The following TSC1 variants were observed in gnomAD, a reference collection of about 807,000 sequenced individuals.
TSC1 encodes the protein TSC complex subunit 1, also known as hamartin.
Under a neutral mutation model 124.3 loss-of-function variants are expected in TSC1, and 20 were observed. The ratio of observed to expected loss-of-function variants is 0.16; its 90% confidence interval spans 0.11 to 0.23. The LOEUF (loss-of-function observed/expected upper bound fraction) is 0.23. Ranked by LOEUF, TSC1 falls within the 10% of genes least tolerant of loss-of-function variation. The pLI is 1.00. For missense variants in TSC1, 1,124 were observed against 1,448.5 expected (o/e 0.78, Z 3.64); for synonymous variants, 493 against 539.1 (o/e 0.91, Z 1.19).
rs753980869 is a variant in TSC1, at chr9:132,897,449, A to G, written c.2787T>C (p.Tyr929=). 1.9e-6 allele frequency: 3 copies of G among 1,614,196 alleles called. No individual in the cohort carries two copies. Among genetic ancestry groups the G allele is most frequent in the African/African-American group, 1.3e-5 (1 of 75,044 alleles). ...TTGCCTGGAGTTTGACATCCTCTAG[A>G]TATTTCTTCTGTTCCAAAAGAAGGT... ...KDHLLLEQKK[Y]LEDVKLQARG... The change falls in exon 21 of 23, where the codon TAT becomes TAC. Residue 929 remains tyrosine (Y), a synonymous_variant. Coordinates refer to ENST00000298552, the MANE Select transcript of TSC1 (RefSeq NM_000368.5).
At position 132,894,428 on chromosome 9, in the gene TSC1, T is replaced by C. The variant is rs1365560646; in HGVS notation, c.*1807A>G. The C allele has an allele frequency of 1.7e-5, 4 of 229,066 alleles. No homozygotes were observed. The highest frequency in any genetic ancestry group is 6.7e-5 in the African/African-American group (3 of 45,106). 14.2% of individuals were successfully genotyped at this position (229,066 alleles called of 1,614,324 possible). A position where few individuals can be genotyped will look rare whatever the true frequency, so the allele number is the denominator to read the frequency against. On this transcript the variant is annotated 3_prime_UTR_variant, in exon 23 of 23. Transcript: ENST00000298552. ...CTTTTCTAAAACGGAACCAGGAAACTAGACTGTATTGGGTTTTAAGCTTTC... is the reference window on the plus strand; with the variant it reads ...CTTTTCTAAAACGGAACCAGGAAACCAGACTGTATTGGGTTTTAAGCTTTC...
intron 3 of TSC1, among the ~76,000 whole-genome samples, chr9:132,927,719 G>A (rs951122387): frequency 6.6e-6 from 1 of 151,742 alleles, no homozygotes; most frequent in African/African-American, 2.4e-5. Context: ...TAGAGATGGG[G>A]TTTCACCACA....
intron 11 of TSC1, 91 bp downstream of exon 11, chr9:132,910,911 C>G (rs1434985446): frequency 3.7e-6 from 5 of 1,354,806 alleles, no homozygotes; most frequent in African/African-American, 2.9e-5. Flanking sequence ...TTTACAACAG[C>G]AAGTGGTCCC....
At chr9:132,910,797 G>A (rs1463620924) in intron 11 of TSC1, 105 bp from the exon 12 acceptor site, 2 of 1,545,314 alleles carry the variant, frequency 1.3e-6, no homozygotes, top group East Asian at 4.5e-5. Context: ...AGCTGCTAGA[G>A]TTAACTTTCT....
upstream of TSC1, chr9:132,944,945 G>A (rs1006127570): frequency 4.3e-6 from 1 of 232,126 alleles, no homozygotes; most frequent in Non-Finnish European, 8.3e-6. Flanking sequence ...GGCGGGGCGG[G>A]CGGTCACGTG....
rs1368545564 is a variant in TSC1 at position 132,923,848 on chromosome 9, A to G, written c.364-356T>C. Among the ~76,000 whole-genome samples the G allele has an allele frequency of 6.6e-6, 1 of 152,162 alleles. No homozygotes were observed. Among genetic ancestry groups the G allele is most frequent in the African/African-American group, 2.4e-5 (1 of 41,428 alleles). ...ACAAAAGGAGCTGCTTTTCAACAAA[A>G]CACAGGAGCACTGCTCTGTTTCATT... is the stretch of plus-strand genomic sequence containing the variant. On this transcript the variant is annotated intron_variant, in intron 5 of 22. Transcript: ENST00000298552. The surrounding 1 kb of genome is among the most constrained non-coding windows in gnomAD (Gnocchi z 4.2).
At position 132,925,638 on chromosome 9, in the gene TSC1, C is replaced by A. The variant is rs1554820281; in HGVS notation, c.312G>T (p.Lys104Asn). Residue 104 changes from lysine to asparagine, a missense_variant, in exon 5 of 23, where the codon AAG becomes AAT. Lys to Asn is a moderately conservative substitution (Grantham distance 94, BLOSUM62 0). Transcript: ENST00000298552. ...GHVIRLQPSW[K>N]HKLSQAPLLP... ...AAAGAGGTGCTTGAGAGAGCTTATG[C>A]TTCCAAGATGGCTGCAGTCTTATGA... 1 of 1,614,092 alleles carries A rather than the reference C, an allele frequency of 6.2e-7. No homozygotes were observed. Among genetic ancestry groups the A allele is most frequent in the African/African-American group, 1.3e-5 (1 of 74,938 alleles).
intron 8 of TSC1, among the ~76,000 whole-genome samples, chr9:132,917,626 C>T (rs1440652531): frequency 1.3e-5 from 2 of 152,268 alleles, no homozygotes; most frequent in African/African-American, 4.8e-5. Context: ...GCCACTGCAC[C>T]CGGCTCTTCT....
intron 2 of TSC1, among the ~76,000 whole-genome samples, chr9:132,932,341 C>T (rs1847246731): frequency 6.6e-6 from 1 of 152,194 alleles, no homozygotes; most frequent in Admixed American, 6.5e-5. Flanking sequence ...TCTTTCACCA[C>T]CCCCACCACC....
chr9:132,933,513 G>T (rs555807519), intron 2 of TSC1, among the ~76,000 whole-genome samples: 1 of 152,126 alleles, frequency 6.6e-6, no homozygotes, highest in African/African-American at 2.4e-5. Context: ...GAAGAGTAAG[G>T]ATCTTTGAGG....
At position 132,895,296 on chromosome 9, in the gene TSC1, T is replaced by C; in HGVS notation, c.*939A>G. On this transcript the variant is annotated 3_prime_UTR_variant, in exon 23 of 23. Transcript: ENST00000298552. Reference sequence around the variant, plus strand: ...TAAGCTGACATGAACAAGAGGCGTATGCACACAAAGGGAGGCCAGTAGACA... The same window carrying C: ...TAAGCTGACATGAACAAGAGGCGTACGCACACAAAGGGAGGCCAGTAGACA... 1 of 233,464 alleles carries C rather than the reference T, an allele frequency of 4.3e-6. No homozygotes were observed. Among genetic ancestry groups the C allele is most frequent in the Non-Finnish European group, 8.5e-6 (1 of 117,958 alleles). 14.5% of individuals were successfully genotyped at this position (233,464 alleles called of 1,614,324 possible).
In TSC1 at chr9:132,921,108, T is replaced by C. The variant is rs1342595406; in HGVS notation, c.737+255A>G. On this transcript the variant is annotated intron_variant, in intron 8 of 22. Coordinates refer to ENST00000298552, the MANE Select transcript of TSC1 (RefSeq NM_000368.5). The surrounding 1 kb of genome is among the most constrained non-coding windows in gnomAD (Gnocchi z 4.3). ...TGCATCGCCCCATCACTGGCACTAC[T>C]GAGGTGTAAGCCTTTCTGGGGGACA... Among the ~76,000 whole-genome samples, 1 of 152,116 alleles carries C rather than the reference T, an allele frequency of 6.6e-6. No individual in the cohort carries two copies. Among genetic ancestry groups the C allele is most frequent in the Non-Finnish European group, 1.5e-5 (1 of 68,006 alleles).
intron 9 of TSC1, 144 bp downstream of exon 9, chr9:132,912,138 A>G (rs1247232889): frequency 3.3e-6 from 3 of 913,528 alleles, no homozygotes; most frequent in Non-Finnish European, 5.0e-6. Flanking sequence ...AAGAAAATGG[A>G]GGGACATGCA....
rs966107345 is a variant in TSC1, at chr9:132,901,898, A to G, written c.2392-199T>C. 3.0e-5 allele frequency: 17 copies of G among 574,104 alleles called. No individual in the cohort carries two copies. The Admixed American group carries it at 4.1e-4, about 14-fold the overall frequency. The allele number at this position is 574,104 out of a possible 1,614,324, so 35.6% of individuals were successfully genotyped here. A position where few individuals can be genotyped will look rare whatever the true frequency, so the allele number is the denominator to read the frequency against. ...GAGTTCCTTACTGTTTAACAAAAGA[A>G]AAAAAGAGACCTTAGATCCTCAGTT... On this transcript the variant is annotated intron_variant, in intron 18 of 22. Transcript: ENST00000298552.
rs1588287426 is a variant in TSC1 at position 132,896,598 on chromosome 9, C to T, written c.3132G>A (p.Glu1044=). 6.2e-7 allele frequency: 1 copy of T among 1,613,754 alleles called. No individual in the cohort carries two copies. The highest frequency in any genetic ancestry group is 8.5e-7 in the Non-Finnish European group (1 of 1,179,782). ...GGGGSSSSSS[E]LSTPEKPPHQ... ...GTGGGGGTTTCTCTGGGGTAGAAAG[C>T]TCGCTGCTGCTGCTGCTGCTGCCTC... Residue 1044 remains glutamate (E), a synonymous_variant, in exon 23 of 23, where the codon GAG becomes GAA. Transcript: ENST00000298552. This position sits in a 1 kb window ranked among gnomAD's most constrained non-coding sequence, Gnocchi z 4.5.
rs1844948916 is a variant in TSC1 at position 132,894,801 on chromosome 9, T to C, written c.*1434A>G. On this transcript the variant is annotated 3_prime_UTR_variant, in exon 23 of 23. Transcript: ENST00000298552. ...TTTTACCTCTTTATGACTGAATCCT[T>C]CTATTCTTTTTAATGAAAGATAGAA... is the stretch of plus-strand genomic sequence containing the variant. 4.3e-6 allele frequency: 1 copy of C among 230,706 alleles called. No individual in the cohort carries two copies. The highest frequency in any genetic ancestry group is 8.6e-6 in the Non-Finnish European group (1 of 116,582). 14.3% of individuals were successfully genotyped at this position (230,706 alleles called of 1,614,324 possible). A position where few individuals can be genotyped will look rare whatever the true frequency, so the allele number is the denominator to read the frequency against.
In TSC1 at chr9:132,893,331, C is replaced by A. The variant is rs559978998; in HGVS notation, c.*2904G>T. On this transcript the variant is annotated 3_prime_UTR_variant, in exon 23 of 23. Coordinates refer to ENST00000298552, the MANE Select transcript of TSC1 (RefSeq NM_000368.5). The stretch of plus-strand genomic sequence containing the variant: ...TAAGAAATGACCTTGACCTTCCTAC[C>A]TTTGGGTTTGTTTTTTTTCTATTCA... 1.6e-3 allele frequency: 384 copies of A among 233,148 alleles called. No homozygotes were observed. Among genetic ancestry groups the A allele is most frequent in the Non-Finnish European group, 2.8e-3 (332 of 117,998 alleles). The allele number at this position is 233,148 out of a possible 1,614,324, so 14.4% of individuals were successfully genotyped here.
At chr9:132,908,901 CTTTT>C (rs35234317) in intron 12 of TSC1, among the ~76,000 whole-genome samples, 4 of 121,540 alleles carry the variant, frequency 3.3e-5, no homozygotes, top group Admixed American at 7.9e-5. Flanking sequence ...CTACCTTGCA[CTTTT>C]TTTTTTTTTT....
chr9:132,901,788 G>T (rs1845387448), intron 18 of TSC1, 89 bp from the exon 19 acceptor site: 1 of 1,148,054 alleles, frequency 8.7e-7, no homozygotes, highest in Non-Finnish European at 1.3e-6. Context: ...AGAGGACTGG[G>T]AATGCCTTAG....
Sources: gnomAD v4.1 joint callset for allele counts (sites outside exome capture counted in the v4.1 genomes callset) on GRCh38, gnomAD v4.1.1 for gene constraint, Gnocchi (gnomAD v3.1) non-coding constraint, MANE v1.5 for transcripts, NCBI Gene and HGNC (gene_info 2026-07-23, HGNC 2026-07-21) for gene names.